Variants in DNAH2 observed in about 807,000 individuals in gnomAD.
DNAH2 encodes axonemal beta dynein heavy chain 2.
DNAH2 carries 323 observed loss-of-function variants against 523.5 expected under a neutral mutation model. The ratio of observed to expected loss-of-function variants is 0.62; its 90% confidence interval spans 0.56 to 0.68. The LOEUF (loss-of-function observed/expected upper bound fraction) is 0.68. Among genes scored for constraint, DNAH2 ranks in the 30% least tolerant of loss-of-function variants. DNAH2 has a pLI of 0.00. For synonymous variants in DNAH2, 2,093 were observed against 2,177.4 expected, an observed-to-expected ratio of 0.96 and a Z score of 1.08; for missense variants, 4,907 against 5,701.5, an observed-to-expected ratio of 0.86 and a Z score of 4.49.
At chr17:7,741,448 C>T (rs933669094) in intron 11 of DNAH2, among the ~76,000 whole-genome samples, 10 of 150,932 alleles carry the variant, frequency 6.6e-5, no homozygotes, top group African/African-American at 2.4e-4. Context: ...AGCTCTGCCT[C>T]CCGGGTTCAC....
At chr17:7,823,294 C>CAA (rs34255363) in intron 73 of DNAH2, 148 bp from the exon 74 acceptor site, 46,886 of 536,362 alleles carry the variant, frequency 0.087, 16 homozygotes, top group Non-Finnish European at 0.1. Flanking sequence ...GACTCCATCT[C>CAA]AAAAAAAAAA....
chr17:7,781,018 G>T (rs768674863), intron 38 of DNAH2, 24 bp from the exon 39 acceptor site: 5 of 1,613,542 alleles, frequency 3.1e-6, no homozygotes, highest in Non-Finnish European at 3.4e-6. Flanking sequence ...CCTCAAGCCT[G>T]AGTCTCTGTC....
At position 7,792,065 on chromosome 17, in the gene DNAH2, A is replaced by C. The variant is rs1430075658; in HGVS notation, c.7049A>C (p.Asn2350Thr). 6.2e-7 allele frequency: 1 copy of C among 1,612,320 alleles called. No individual in the cohort carries two copies. Among genetic ancestry groups the C allele is most frequent in the African/African-American group, 1.3e-5 (1 of 74,396 alleles). Residue 2350 changes from asparagine (N) to threonine (T), a missense_variant, in exon 45 of 86, where the codon AAT becomes ACT. Asn to Thr is a moderately conservative substitution (Grantham distance 65, BLOSUM62 0). Around this residue, in one of 3 missense-constraint regions of DNAH2, gnomAD observed 2,806 missense variants for 3,190.8 expected, o/e 0.88. Transcript: ENST00000572933. ...CGAGAGATCGAGGGCTCCTTTCCCA[A>C]TAAGGTTGGGCGCACACCTGGCTGT... ...YLREIEGSFP[N>T]KDTVYEYFVD...
chr17:7,765,475 C>T lies in DNAH2; in HGVS notation c.3421C>T (p.His1141Tyr). The T allele has an allele frequency of 5.6e-6, 9 of 1,614,232 alleles. No homozygotes were observed. The highest frequency in any genetic ancestry group is 7.6e-6 in the Non-Finnish European group (9 of 1,180,050). Residue 1141 changes from histidine (H) to tyrosine (Y), a missense_variant, in exon 21 of 86, where the codon CAC becomes TAC. Physicochemically the swap from His to Tyr is moderately conservative, Grantham distance 83. This residue lies in a region of DNAH2 where 2,806 missense variants were observed against 3,190.8 expected (regional missense o/e 0.88). Transcript: ENST00000572933. ...LLDSKQMLKK[H>Y]KEKFKTGLIH... ...GGACAGTAAGCAAATGCTGAAGAAA[C>T]ACAAGGAGAAATTCAAGACAGGCCT...
In DNAH2 at chr17:7,754,193, C is replaced by A; in HGVS notation, c.1905-2898C>A. On this transcript the variant is annotated intron_variant, in intron 12 of 85. Coordinates refer to ENST00000572933, the MANE Select transcript of DNAH2 (RefSeq NM_020877.5). The surrounding 1 kb of genome is among the most constrained non-coding windows in gnomAD (Gnocchi z 4.6). Reference sequence around the variant, plus strand: ...ACAGGATATGGCACCTGAAGAAGGACAGGAGTTGAAGGGGCGCTGTTTTTT... The same window carrying A: ...ACAGGATATGGCACCTGAAGAAGGAAAGGAGTTGAAGGGGCGCTGTTTTTT... 1 of 172,608 alleles carries A rather than the reference C, an allele frequency of 5.8e-6. No individual in the cohort carries two copies. Among genetic ancestry groups the A allele is most frequent in the Non-Finnish European group, 1.2e-5 (1 of 82,122 alleles). 10.7% of individuals were successfully genotyped at this position (172,608 alleles called of 1,614,324 possible).
At chr17:7,809,534 T>TC in intron 63 of DNAH2, among the ~76,000 whole-genome samples, 1 of 152,160 alleles carries the variant, frequency 6.6e-6, no homozygotes, top group Admixed American at 6.5e-5. Flanking sequence ...CTCTGTCTTT[T>TC]CCCAAGAGCG....
chr17:7,779,543 GC>G, intron 36 of DNAH2, 120 bp downstream of exon 36: 2 of 1,103,536 alleles, frequency 1.8e-6, no homozygotes, highest in Non-Finnish European at 1.3e-6. Flanking sequence ...GTGAAGTCTG[GC>G]TAAAGATAGC....
intron 31 of DNAH2, among the ~76,000 whole-genome samples, 190 bp downstream of exon 31, chr17:7,776,339 T>G (rs11655108): frequency 1.8e-4 from 27 of 151,764 alleles, no homozygotes; most frequent in Non-Finnish European, 3.7e-4. Context: ...GGTGGTGTGC[T>G]CCTGTAGTCC....
At position 7,771,451 on chromosome 17, in the gene DNAH2, G is replaced by A. The variant is rs145619879; in HGVS notation, c.4484G>A (p.Arg1495Gln). 4.1e-5 allele frequency: 66 copies of A among 1,613,730 alleles called. No individual in the cohort carries two copies. Among genetic ancestry groups the A allele is most frequent in the Non-Finnish European group, 5.3e-5 (63 of 1,179,874 alleles). Residue 1495 changes from arginine (R) to glutamine (Q), a missense_variant, in exon 28 of 86, where the codon CGG (arginine) becomes CAG (glutamine). Physicochemically the swap from Arg to Gln is conservative, Grantham distance 43. Transcript: ENST00000572933. ...DRMNKDNNAL[R>Q]STHHPGLLDT... ...ATGAACAAGGACAACAATGCTCTCC[G>A]GAGCACCCATCACCCAGGTCAGAGC...
chr17:7,825,155 G>A (rs538303290), intron 77 of DNAH2, among the ~76,000 whole-genome samples: 56 of 152,108 alleles, frequency 3.7e-4, no homozygotes, highest in Admixed American at 7.2e-4. Context: ...ATCCTCTTCC[G>A]AATGTCACAC....
At chr17:7,720,028 C>T in intron 2 of DNAH2, 128 bp downstream of exon 2, 5 of 1,182,020 alleles carry the variant, frequency 4.2e-6, no homozygotes, top group Non-Finnish European at 4.5e-6. Flanking sequence ...TAAGTGACGC[C>T]CCCAGCCATG....
At chr17:7,824,814 A>G (rs1342214659) in intron 77 of DNAH2, 87 bp downstream of exon 77, 4 of 1,173,558 alleles carry the variant, frequency 3.4e-6, no homozygotes, top group Non-Finnish European at 4.6e-6. Flanking sequence ...TTAACCAACA[A>G]CAACATGATT....
rs1301859314 is a variant in DNAH2 at position 7,818,673 on chromosome 17, G to A, written c.10567G>A (p.Val3523Met). 1.2e-6 allele frequency: 2 copies of A among 1,614,102 alleles called. No individual in the cohort carries two copies. The highest frequency in any genetic ancestry group is 1.7e-6 in the Non-Finnish European group (2 of 1,180,020). The change falls in exon 70 of 86, where the codon GTG (valine) becomes ATG (methionine). Residue 3523 changes from valine to methionine, a missense_variant. Physicochemically the swap from Val to Met is conservative, Grantham distance 21. Transcript: ENST00000572933. ...GGAGGCCCAGCTGCTGGGCATTGTG[G>A]TGCGGAAGGAGCGGCCTGAGCTGGA... is the stretch of plus-strand genomic sequence containing the variant. ...GLEAQLLGIV[V>M]RKERPELEEQ...
At chr17:7,766,248 G>C in intron 21 of DNAH2, 70 bp from the exon 22 acceptor site, 3 of 1,546,398 alleles carry the variant, frequency 1.9e-6, no homozygotes, top group African/African-American at 2.7e-5. Flanking sequence ...CCCACAAAGA[G>C]ATAGGAGAGC....
intron 28 of DNAH2, among the ~76,000 whole-genome samples, chr17:7,774,326 A>C (rs1027866458): frequency 2.6e-5 from 4 of 152,156 alleles, no homozygotes; most frequent in African/African-American, 9.7e-5. Flanking sequence ...GATAATTCAC[A>C]TCCTGGGGGA....
chr17:7,761,347 G>A (rs1043942277), intron 18 of DNAH2, among the ~76,000 whole-genome samples: 1 of 152,012 alleles, frequency 6.6e-6, no homozygotes, highest in Non-Finnish European at 1.5e-5. Flanking sequence ...AGCTCACTGC[G>A]GCCTGGACCT....
At chr17:7,793,467 C>CTTTCTTTCTTTCTT (rs1555562844) in intron 48 of DNAH2, among the ~76,000 whole-genome samples, 5 of 126,002 alleles carry the variant, frequency 4.0e-5, no homozygotes, top group African/African-American at 1.3e-4. Flanking sequence ...TTCTTTCTTT[C>CTTTCTTTCTTTCTT]TTTCTTTCTT....
At chr17:7,795,939 G>A (rs1461215235) in intron 49 of DNAH2, among the ~76,000 whole-genome samples, 5 of 144,128 alleles carry the variant, frequency 3.5e-5, no homozygotes, top group Admixed American at 2.1e-4. Flanking sequence ...GGAAGTTGCA[G>A]TATAAATAAA....
chr17:7,805,198 G>T (rs1000275415), intron 60 of DNAH2, 54 bp from the exon 61 acceptor site: 9 of 1,605,090 alleles, frequency 5.6e-6, no homozygotes, highest in Non-Finnish European at 5.1e-6. Flanking sequence ...CCTCAGCTAG[G>T]TTCTGTCTCC....
Sources: gnomAD v4.1 joint callset for allele counts (sites outside exome capture counted in the v4.1 genomes callset) on GRCh38, gnomAD v4.1.1 for gene constraint, gnomAD v4.1.1 regional missense constraint, Gnocchi (gnomAD v3.1) non-coding constraint, MANE v1.5 for transcripts, NCBI Gene and HGNC (gene_info 2026-07-23, HGNC 2026-07-21) for gene names.